Variants in ATP6V1C2 observed in about 807,000 individuals in gnomAD.
ATP6V1C2 encodes ATPase H+ transporting V1 subunit C2, also known as V-type proton ATPase subunit C 2.
Under a neutral mutation model 56.8 loss-of-function variants are expected in ATP6V1C2, and 45 were observed. The observed-to-expected ratio is 0.79, with a 90% CI of 0.62 to 1.02. The LOEUF (loss-of-function observed/expected upper bound fraction) is 1.02, where lower values mean the gene tolerates loss of function less well. ATP6V1C2 is among the 50% of genes least tolerant of loss of function. ATP6V1C2 has a pLI of 0.00. For missense variants in ATP6V1C2, 463 were observed against 519.7 expected, an observed-to-expected ratio of 0.89 and a Z score of 1.06; for synonymous variants, 220 against 201.3, an observed-to-expected ratio of 1.09 and a Z score of -0.79.
At chr2:10,758,563 C>T (rs778542319) in intron 4 of ATP6V1C2, among the ~76,000 whole-genome samples, 12 of 152,068 alleles carry the variant, frequency 7.9e-5, no homozygotes, top group Admixed American at 3.3e-4. Context: ...AGCCACCACA[C>T]GCCAGCCTGG....
intron 11 of ATP6V1C2, among the ~76,000 whole-genome samples, chr2:10,777,973 C>A (rs1572621032): frequency 6.8e-6 from 1 of 146,712 alleles, no homozygotes; most frequent in African/African-American, 2.4e-5. Flanking sequence ...GTGGCTGGAG[C>A]TGGGACGGGC....
At chr2:10,728,984 G>A (rs186239748) in intron 3 of ATP6V1C2, among the ~76,000 whole-genome samples, 27 of 133,530 alleles carry the variant, frequency 2.0e-4, no homozygotes, top group Middle Eastern at 4.2e-3. Flanking sequence ...AAAAAAAATA[G>A]TTGGGTGCGG....
rs371459373 is a variant in ATP6V1C2, at chr2:10,725,489, ATTT to A, written c.130-992_130-990del. ...AAAGCTGCCTCCTTCCCCAGCAAGA[ATTT>A]TTTTTTTTTTTTTTTTTTTTGAGAT... On this transcript the variant is annotated intron_variant, in intron 2 of 13. Coordinates refer to ENST00000272238, the MANE Select transcript of ATP6V1C2 (RefSeq NM_001039362.2). Among the ~76,000 whole-genome samples the A allele has an allele frequency of 1.7e-3, 184 of 107,124 alleles. 1 individual carries two copies. Among genetic ancestry groups the A allele is most frequent in the Non-Finnish European group, 2.1e-3 (117 of 56,684 alleles). The allele number at this position is 107,124 out of a possible 152,430, so 70.3% of individuals were successfully genotyped here.
chr2:10,774,688 A>G (rs1664841539), intron 8 of ATP6V1C2, 100 bp from the exon 9 acceptor site: 1 of 980,272 alleles, frequency 1.0e-6, no homozygotes. Flanking sequence ...AGCTGCTGCC[A>G]TGGACCCCAG....
chr2:10,783,565 T>G lies in ATP6V1C2; in HGVS notation c.*302T>G, dbSNP rs182197560. 3 of 291,004 alleles carry G rather than the reference T, an allele frequency of 1.0e-5. No individual in the cohort carries two copies. Among genetic ancestry groups the G allele is most frequent in the Admixed American group, 4.9e-5 (1 of 20,322 alleles). 18.0% of individuals were successfully genotyped at this position (291,004 alleles called of 1,614,324 possible). ...GTCTTAACGGCTATTTTGAGGTTCATTAACAACATAGAAAGCCTTGAACTG... is the reference window on the plus strand; with the variant it reads ...GTCTTAACGGCTATTTTGAGGTTCAGTAACAACATAGAAAGCCTTGAACTG... On this transcript the variant is annotated 3_prime_UTR_variant, in exon 14 of 14. Transcript: ENST00000272238.
At chr2:10,778,436 T>G in intron 11 of ATP6V1C2, 136 bp from the exon 12 acceptor site, 1 of 772,744 alleles carries the variant, frequency 1.3e-6, no homozygotes, top group Non-Finnish European at 2.1e-6. Flanking sequence ...AGGGCTGGTC[T>G]GACCGACTCT....
intron 3 of ATP6V1C2, among the ~76,000 whole-genome samples, chr2:10,731,933 A>T (rs993912978): frequency 6.6e-6 from 1 of 152,036 alleles, no homozygotes; most frequent in Non-Finnish European, 1.5e-5. Flanking sequence ...AGATCACACC[A>T]CTGCACTCCA....
intron 3 of ATP6V1C2, among the ~76,000 whole-genome samples, chr2:10,732,923 A>G (rs1662043790): frequency 6.7e-6 from 1 of 150,120 alleles, no homozygotes; most frequent in South Asian, 2.1e-4. Flanking sequence ...GTGAGCCGAG[A>G]TTGTGCCGCT....
At chr2:10,755,379 G>T (rs975399643) in intron 4 of ATP6V1C2, among the ~76,000 whole-genome samples, 1 of 151,746 alleles carries the variant, frequency 6.6e-6, no homozygotes, top group African/African-American at 2.4e-5. Flanking sequence ...ATGGGGTCTC[G>T]CAATGTCGCC....
At chr2:10,732,352 G>A (rs534920148) in intron 3 of ATP6V1C2, among the ~76,000 whole-genome samples, 6 of 152,012 alleles carry the variant, frequency 3.9e-5, no homozygotes, top group East Asian at 3.9e-4. Flanking sequence ...TCCGCCTCCC[G>A]GGTTCAAGTG....
intron 8 of ATP6V1C2, 89 bp from the exon 9 acceptor site, chr2:10,774,699 G>A (rs1057374808): frequency 5.3e-6 from 6 of 1,122,850 alleles, no homozygotes; most frequent in African/African-American, 1.6e-5. Flanking sequence ...TGGACCCCAG[G>A]TGCAGGCCAC....
Position 10,784,055 on chromosome 2 carries a change from A to T in ATP6V1C2, c.*792A>T, listed in dbSNP as rs1665570378. ...CAGAATACGACTCAATTCACCGGCT[A>T]CAACAATTCATAGAATTTTTCAATG... On this transcript the variant is annotated 3_prime_UTR_variant, in exon 14 of 14. Transcript: ENST00000272238. The T allele has an allele frequency of 4.7e-6, 2 of 429,402 alleles. No individual in the cohort carries two copies. Among genetic ancestry groups the T allele is most frequent in the Non-Finnish European group, 8.3e-6 (2 of 242,420 alleles). The allele number at this position is 429,402 out of a possible 1,614,324, so 26.6% of individuals were successfully genotyped here.
In ATP6V1C2 at chr2:10,775,006, GAGA is replaced by G. The variant is rs1364220036; in HGVS notation, c.763_765del (p.Lys255del). On this transcript the variant is annotated inframe_deletion, in exon 10 of 14. Coordinates refer to ENST00000272238, the MANE Select transcript of ATP6V1C2 (RefSeq NM_001039362.2). ...CACTGTTCGTGAATTTTACTATGATGAGAAGGAAATTGAAAGGGAAAGGGAGGA... is the reference window on the plus strand; with the variant it reads ...CACTGTTCGTGAATTTTACTATGATGAGGAAATTGAAAGGGAAAGGGAGGA... 3 of 1,614,140 alleles carry G rather than the reference GAGA, an allele frequency of 1.9e-6. No individual in the cohort carries two copies. The Admixed American group carries it at 5.0e-5, about 27-fold the overall frequency.
At chr2:10,723,564 C>T (rs374184851) in intron 2 of ATP6V1C2, among the ~76,000 whole-genome samples, 5 of 152,044 alleles carry the variant, frequency 3.3e-5, no homozygotes, top group East Asian at 3.9e-4. Context: ...TGAGGCCAGG[C>T]GCGGTGGCTC....
At chr2:10,752,525 A>G (rs986165117) in intron 3 of ATP6V1C2, among the ~76,000 whole-genome samples, 2 of 152,210 alleles carry the variant, frequency 1.3e-5, no homozygotes, top group African/African-American at 2.4e-5. Flanking sequence ...TAACTTTCAG[A>G]CTTTGATCCT....
intron 3 of ATP6V1C2, among the ~76,000 whole-genome samples, chr2:10,745,229 G>A (rs1484385537): frequency 6.7e-6 from 1 of 150,254 alleles, no homozygotes; most frequent in Non-Finnish European, 1.5e-5. Context: ...GGAGAGATGG[G>A]GTTTCACCAT....
At chr2:10,742,780 C>G (rs1662629905) in intron 3 of ATP6V1C2, among the ~76,000 whole-genome samples, 1 of 152,116 alleles carries the variant, frequency 6.6e-6, no homozygotes, top group East Asian at 1.9e-4. Context: ...CTAAGAGGTG[C>G]CCCCGTAGTG....
chr2:10,774,765 CA>C, intron 8 of ATP6V1C2, 22 bp from the exon 9 acceptor site: 2 of 1,607,298 alleles, frequency 1.2e-6, no homozygotes, highest in East Asian at 4.5e-5. Flanking sequence ...TGAGTCCAGC[CA>C]ACAGATGCTT....
At chr2:10,752,451 C>T (rs1298941815) in intron 3 of ATP6V1C2, among the ~76,000 whole-genome samples, 1 of 152,168 alleles carries the variant, frequency 6.6e-6, no homozygotes, top group Non-Finnish European at 1.5e-5. Flanking sequence ...CTGCAAACAC[C>T]ACCTCCCTCC....
Sources: gnomAD v4.1 joint callset for allele counts (sites outside exome capture counted in the v4.1 genomes callset) on GRCh38, gnomAD v4.1.1 for gene constraint, MANE v1.5 for transcripts, NCBI Gene and HGNC (gene_info 2026-07-23, HGNC 2026-07-21) for gene names.